The following GPATCH2 variants were observed in gnomAD, a reference collection of about 807,000 sequenced individuals.
The protein encoded by GPATCH2 is G patch domain-containing protein 2.
A neutral mutation model predicts 58.0 loss-of-function variants in GPATCH2; 51 were observed. The observed-to-expected ratio is 0.88, with a 90% CI of 0.70 to 1.11. The LOEUF is 1.11. GPATCH2 is among the 50% of genes most tolerant of loss of function. GPATCH2 has a pLI of 0.00. For missense variants in GPATCH2, 625 were observed against 652.2 expected (o/e 0.96, Z 0.45); for synonymous variants, 222 against 218.5 (o/e 1.02, Z -0.14).
chr1:217,463,777 T>G (rs1660313558), intron 8 of GPATCH2, among the ~76,000 whole-genome samples: 1 of 151,556 alleles, frequency 6.6e-6, no homozygotes, highest in Non-Finnish European at 1.5e-5. Context: ...CATAAATAGA[T>G]TTGGGTTCCC....
intron 8 of GPATCH2, among the ~76,000 whole-genome samples, chr1:217,489,756 G>A (rs1034418933): frequency 3.9e-5 from 6 of 152,212 alleles, no homozygotes; most frequent in South Asian, 4.1e-4. Context: ...CAGCTACTTG[G>A]GAGGCTGGGG....
At chr1:217,434,467 T>G (rs917034240) in intron 9 of GPATCH2, among the ~76,000 whole-genome samples, 2 of 152,212 alleles carry the variant, frequency 1.3e-5, no homozygotes, top group African/African-American at 4.8e-5. Flanking sequence ...TAATCAGGTA[T>G]GCCAGGTTAA....
At position 217,620,582 on chromosome 1, in the gene GPATCH2, A is replaced by G. The variant is rs1471829888; in HGVS notation, c.57-83T>C. The stretch of plus-strand genomic sequence containing the variant: ...TTTTCTATAACAGACAATTCATTCT[A>G]AATTCGACAAAAATTAATGATTACA... On this transcript the variant is annotated intron_variant, in intron 1 of 9. Transcript: ENST00000366935. 3 of 781,014 alleles carry G rather than the reference A, an allele frequency of 3.8e-6. No individual in the cohort carries two copies. In the East Asian group the frequency reaches 7.4e-5, roughly 19 times the overall value. 48.4% of individuals were successfully genotyped at this position (781,014 alleles called of 1,614,324 possible).
In GPATCH2 at chr1:217,428,650, T is replaced by C. The variant is rs1268072360; in HGVS notation, c.*2495A>G. 1 of 152,192 alleles carries C rather than the reference T, an allele frequency of 6.6e-6. No individual in the cohort carries two copies. Among genetic ancestry groups the C allele is most frequent in the Non-Finnish European group, 1.5e-5 (1 of 68,022 alleles). 9.4% of individuals were successfully genotyped at this position (152,192 alleles called of 1,614,324 possible). A position where few individuals can be genotyped will look rare whatever the true frequency, so the allele number is the denominator to read the frequency against. ...TATACTGTAGAGTACATATATTCTG[T>C]ACAATTAAACACTTCAACAGAGTAA... On this transcript the variant is annotated 3_prime_UTR_variant, in exon 10 of 10. Coordinates refer to ENST00000366935, the MANE Select transcript of GPATCH2 (RefSeq NM_018040.5).
At chr1:217,545,974 T>G (rs1315503577) in intron 5 of GPATCH2, among the ~76,000 whole-genome samples, 4 of 152,208 alleles carry the variant, frequency 2.6e-5, no homozygotes, top group South Asian at 2.1e-4. Context: ...AACTGTGGGT[T>G]TGAATATCTG....
chr1:217,540,552 T>C (rs1402003117), intron 5 of GPATCH2, among the ~76,000 whole-genome samples: 1 of 152,194 alleles, frequency 6.6e-6, no homozygotes, highest in African/African-American at 2.4e-5. Flanking sequence ...GATTGATCCT[T>C]TCGAAACAAT....
At chr1:217,511,368 T>C (rs924955567) in intron 6 of GPATCH2, among the ~76,000 whole-genome samples, 1 of 152,128 alleles carries the variant, frequency 6.6e-6, no homozygotes, top group African/African-American at 2.4e-5. Context: ...GGGCTGATAA[T>C]TTTCAGGAAA....
Position 217,611,078 on chromosome 1 carries a change from A to G in GPATCH2, c.836-7T>C. 1 of 1,604,924 alleles carries G rather than the reference A, an allele frequency of 6.2e-7. No homozygotes were observed. The highest frequency in any genetic ancestry group is 8.5e-7 in the Non-Finnish European group (1 of 1,175,662). ...TCACTCTGTTCATCATCACCTGTGCAAATACAAGAAACCCCCCCCCACCAA... is the reference window on the plus strand; with the variant it reads ...TCACTCTGTTCATCATCACCTGTGCGAATACAAGAAACCCCCCCCCACCAA... On this transcript the variant is annotated splice_polypyrimidine_tract_variant and splice_region_variant and intron_variant, in intron 3 of 9. Coordinates refer to ENST00000366935, the MANE Select transcript of GPATCH2 (RefSeq NM_018040.5).
At chr1:217,531,991 C>A (rs975331962) in intron 5 of GPATCH2, among the ~76,000 whole-genome samples, 1 of 152,104 alleles carries the variant, frequency 6.6e-6, no homozygotes, top group African/African-American at 2.4e-5. Context: ...GACATTAAAC[C>A]ACACCATGGA....
chr1:217,568,332 A>G (rs1471064220), intron 5 of GPATCH2, among the ~76,000 whole-genome samples: 1 of 152,210 alleles, frequency 6.6e-6, no homozygotes, highest in Non-Finnish European at 1.5e-5. Context: ...ACACTGACCG[A>G]GTACTATGTG....
In GPATCH2 at chr1:217,548,932, A is replaced by C. The variant is rs115454447; in HGVS notation, c.1099-34043T>G. Reference sequence around the variant, plus strand: ...TACCCAGTCTCGGGTATTTCTTCACAGCTGCATGAAAACAGACTAATACAT... The same window carrying C: ...TACCCAGTCTCGGGTATTTCTTCACCGCTGCATGAAAACAGACTAATACAT... On this transcript the variant is annotated intron_variant, in intron 5 of 9. Transcript: ENST00000366935. Among the ~76,000 whole-genome samples, 1,045 of 152,290 alleles carry C rather than the reference A, an allele frequency of 6.9e-3. 5 individuals carry two copies. Among genetic ancestry groups the C allele is most frequent in the Non-Finnish European group, 0.011 (722 of 68,024 alleles).
chr1:217,568,373 A>G (rs1666362651), intron 5 of GPATCH2, among the ~76,000 whole-genome samples: 2 of 152,228 alleles, frequency 1.3e-5, no homozygotes, highest in African/African-American at 2.4e-5. Flanking sequence ...CCATGGGCAC[A>G]GAGCTATAAA....
At chr1:217,600,246 C>T (rs183876556) in intron 5 of GPATCH2, among the ~76,000 whole-genome samples, 139 of 152,270 alleles carry the variant, frequency 9.1e-4, no homozygotes, top group African/African-American at 3.2e-3. Context: ...AAAAATTTTA[C>T]AAGTTTTATT....
intron 5 of GPATCH2, among the ~76,000 whole-genome samples, chr1:217,574,630 T>C (rs1190358305): frequency 6.6e-6 from 1 of 152,230 alleles, no homozygotes; most frequent in Non-Finnish European, 1.5e-5. Context: ...GGAACTGTCA[T>C]GTTGCTAAGT....
intron 9 of GPATCH2, among the ~76,000 whole-genome samples, chr1:217,442,464 C>T (rs1425508414): frequency 6.6e-6 from 1 of 152,134 alleles, no homozygotes; most frequent in Admixed American, 6.5e-5. Context: ...ACGTTCTGCA[C>T]ATGTATGCCA....
intron 8 of GPATCH2, among the ~76,000 whole-genome samples, chr1:217,450,682 T>C (rs1406318942): frequency 6.6e-6 from 1 of 152,152 alleles, no homozygotes; most frequent in Non-Finnish European, 1.5e-5. Context: ...AAAAAACCTT[T>C]CAAAAATTCA....
chr1:217,614,502 T>A (rs2102824570), intron 2 of GPATCH2, among the ~76,000 whole-genome samples: 1 of 152,082 alleles, frequency 6.6e-6, no homozygotes, highest in South Asian at 2.1e-4. Flanking sequence ...CATCAAATGC[T>A]CACTGCTCCT....
At chr1:217,471,855 A>G (rs1243634365) in intron 8 of GPATCH2, among the ~76,000 whole-genome samples, 1 of 152,224 alleles carries the variant, frequency 6.6e-6, no homozygotes, top group Non-Finnish European at 1.5e-5. Context: ...TTTGACATTA[A>G]GTAGATAAAA....
At chr1:217,454,605 A>AAAC (rs1268714752) in intron 8 of GPATCH2, among the ~76,000 whole-genome samples, 3 of 150,596 alleles carry the variant, frequency 2.0e-5, no homozygotes, top group African/African-American at 7.3e-5. Context: ...AAAAAAAAAA[A>AAAC]AAAAACCTTT....
Sources: gnomAD v4.1 joint callset for allele counts (sites outside exome capture counted in the v4.1 genomes callset) on GRCh38, gnomAD v4.1.1 for gene constraint, MANE v1.5 for transcripts, NCBI Gene and HGNC (gene_info 2026-07-23, HGNC 2026-07-21) for gene names.